LMOD1: variants seen among roughly 807,000 people sequenced by gnomAD.
LMOD1 encodes the protein leiomodin 1, also known as leiomodin-1.
In LMOD1, 8 loss-of-function variants were observed where a neutral mutation model predicts 36.5. The ratio of observed to expected loss-of-function variants is 0.22; its 90% CI spans 0.13 to 0.40. The LOEUF (loss-of-function observed/expected upper bound fraction) is 0.40, where lower values mean the gene tolerates loss of function less well. Ranked by LOEUF, LMOD1 falls within the 10% of genes least tolerant of loss-of-function variation. LMOD1 has a pLI of 1.00. For synonymous variants in LMOD1, 284 were observed against 288.7 expected (o/e 0.98, Z 0.17); for missense variants, 630 against 751.1 (o/e 0.84, Z 1.88).
At position 201,899,265 on chromosome 1, in the gene LMOD1, C is replaced by A; in HGVS notation, c.1748G>T (p.Arg583Leu). 1 of 1,599,060 alleles carries A rather than the reference C, an allele frequency of 6.3e-7. No homozygotes were observed. The highest frequency in any genetic ancestry group is 8.5e-7 in the Non-Finnish European group (1 of 1,170,758). The part of the protein sequence containing the change: ...NSRDQLLAAI[R>L]SSNLKQLKKV... Reference sequence around the variant, plus strand: ...CTTGAGCTGCTTGAGGTTGCTGGAGCGGATGGCAGCCAATAGCTGGTCACG... The same window carrying A: ...CTTGAGCTGCTTGAGGTTGCTGGAGAGGATGGCAGCCAATAGCTGGTCACG... The change falls in exon 2 of 3, where the codon CGC (arginine) becomes CTC (leucine). Residue 583 changes from arginine to leucine, a missense_variant. This residue lies in a region of LMOD1 where 144 missense variants were observed against 169.8 expected (regional missense o/e 0.85). Transcript: ENST00000367288. The surrounding 1 kb of genome is among the most constrained non-coding windows in gnomAD (Gnocchi z 6.3).
intron 1 of LMOD1, among the ~76,000 whole-genome samples, chr1:201,943,567 C>T (rs556164914): frequency 4.6e-5 from 7 of 152,294 alleles, no homozygotes; most frequent in African/African-American, 1.7e-4. Context: ...CTTGTTTACT[C>T]GGGCCACTCA....
chr1:201,924,088 G>A (rs563888714), intron 1 of LMOD1, among the ~76,000 whole-genome samples: 11 of 151,570 alleles, frequency 7.3e-5, no homozygotes, highest in Non-Finnish European at 1.5e-4. Context: ...AGGCCGAGGC[G>A]GGCAGATCAC....
rs1681443506 is a variant in LMOD1, at chr1:201,908,399, G to C, written c.262-7648C>G. 2.0e-5 allele frequency among the ~76,000 whole-genome samples: 3 copies of C among 152,314 alleles called. No homozygotes were observed. In the South Asian group the frequency reaches 6.2e-4, roughly 32 times the overall value. On this transcript the variant is annotated intron_variant, in intron 1 of 2. Transcript: ENST00000367288. ...TGGAGAAGGGAGAAGAAAATGACAA[G>C]TGAGGATGGAGTGCAAGTATAACCT...
At chr1:201,905,245 G>A (rs752386626) in intron 1 of LMOD1, among the ~76,000 whole-genome samples, 11 of 152,190 alleles carry the variant, frequency 7.2e-5, no homozygotes, top group Non-Finnish European at 1.5e-4. Flanking sequence ...GTACTGACCT[G>A]TGACACATTG....
chr1:201,910,172 T>A lies in LMOD1; in HGVS notation c.262-9421A>T, dbSNP rs1681470533. On this transcript the variant is annotated intron_variant, in intron 1 of 2. Coordinates refer to ENST00000367288, the MANE Select transcript of LMOD1 (RefSeq NM_012134.3). ...GCTCCAGTCTCAGCAAGAGGAGGCT[T>A]GAGGGAGGAGCCCTTTTGGGCTGCT... is the stretch of plus-strand genomic sequence containing the variant. Among the ~76,000 whole-genome samples the A allele has an allele frequency of 2.0e-5, 3 of 152,298 alleles. No homozygotes were observed. The South Asian group carries it at 6.2e-4, about 32-fold the overall frequency.
At chr1:201,900,909 G>A (rs975272869) in intron 1 of LMOD1, among the ~76,000 whole-genome samples, 158 bp from the exon 2 acceptor site, 3 of 152,134 alleles carry the variant, frequency 2.0e-5, no homozygotes, top group African/African-American at 4.8e-5. Flanking sequence ...TCCATTGAGG[G>A]CAGCAAAAGA....
intron 1 of LMOD1, among the ~76,000 whole-genome samples, chr1:201,935,648 C>A (rs575454672): frequency 2.0e-5 from 3 of 152,116 alleles, no homozygotes; most frequent in Non-Finnish European, 4.4e-5. Context: ...CCTCCACCTC[C>A]TGGGTTCAAG....
At chr1:201,920,780 G>T (rs932690256) in intron 1 of LMOD1, among the ~76,000 whole-genome samples, 2 of 152,154 alleles carry the variant, frequency 1.3e-5, no homozygotes, top group Admixed American at 1.3e-4. Context: ...TGTAATCTCA[G>T]CACTTTGGGA....
chr1:201,902,823 G>A (rs370940679), intron 1 of LMOD1, among the ~76,000 whole-genome samples: 7 of 152,124 alleles, frequency 4.6e-5, no homozygotes, highest in African/African-American at 9.7e-5. Flanking sequence ...AGGTTGCACC[G>A]AGCCTGAGCC....
rs1369220602 is a variant in LMOD1, at chr1:201,899,570, C to T, written c.1443G>A (p.Glu481=). ...MDKQRQKRLQ[E]QRQAQEAKGE... ...CCTTGGCTTCCTGTGCCTGCCTTTG[C>T]TCCTGCAGCCGCTTTTGTCTCTGCT... Residue 481 remains glutamate (E), a synonymous_variant, in exon 2 of 3, where the codon GAG becomes GAA. Coordinates refer to ENST00000367288, the MANE Select transcript of LMOD1 (RefSeq NM_012134.3). This position sits in a 1 kb window ranked among gnomAD's most constrained non-coding sequence, Gnocchi z 6.3. The T allele has an allele frequency of 1.2e-6, 2 of 1,613,260 alleles. No homozygotes were observed. Among genetic ancestry groups the T allele is most frequent in the Non-Finnish European group, 1.7e-6 (2 of 1,179,640 alleles).
At chr1:201,929,655 T>A (rs1375238104) in intron 1 of LMOD1, among the ~76,000 whole-genome samples, 1 of 152,248 alleles carries the variant, frequency 6.6e-6, no homozygotes, top group Non-Finnish European at 1.5e-5. Flanking sequence ...AGGGTATAGA[T>A]GAATTACAAA....
intron 1 of LMOD1, among the ~76,000 whole-genome samples, chr1:201,936,464 C>T (rs1682021237): frequency 6.6e-6 from 1 of 152,142 alleles, no homozygotes; most frequent in Admixed American, 6.5e-5. Context: ...TGCTTACTTC[C>T]AAGGCCTCGT....
At chr1:201,935,948 T>C (rs1682010926) in intron 1 of LMOD1, among the ~76,000 whole-genome samples, 3 of 151,086 alleles carry the variant, frequency 2.0e-5, no homozygotes, top group African/African-American at 4.9e-5. Flanking sequence ...CCCCTGTCTC[T>C]ACTGAAAATA....
At chr1:201,901,592 A>ATG (rs1571574074) in intron 1 of LMOD1, among the ~76,000 whole-genome samples, 3 of 9,110 alleles carry the variant, frequency 3.3e-4, no homozygotes, top group South Asian at 3.6e-3. Context: ...ATACATATAT[A>ATG]TATGTATATA....
At chr1:201,921,701 C>T (rs183460548) in intron 1 of LMOD1, among the ~76,000 whole-genome samples, 1 of 151,946 alleles carries the variant, frequency 6.6e-6, no homozygotes, top group Admixed American at 6.6e-5. Flanking sequence ...TGGCTCATGC[C>T]TATAATCCCA....
At chr1:201,908,766 T>A (rs983150267) in intron 1 of LMOD1, among the ~76,000 whole-genome samples, 7 of 152,100 alleles carry the variant, frequency 4.6e-5, no homozygotes, top group Non-Finnish European at 7.4e-5. Context: ...GACAGCAAAG[T>A]GCACCATCCC....
intron 1 of LMOD1, among the ~76,000 whole-genome samples, chr1:201,901,422 A>C (rs1188460768): frequency 6.7e-6 from 1 of 149,062 alleles, no homozygotes; most frequent in East Asian, 1.9e-4. Flanking sequence ...GAATCACCTG[A>C]ACCTGGGAGG....
chr1:201,900,823 G>T, intron 1 of LMOD1, 72 bp from the exon 2 acceptor site: 2 of 1,351,078 alleles, frequency 1.5e-6, no homozygotes, highest in Non-Finnish European at 2.0e-6. Flanking sequence ...ATGGGGATGT[G>T]TGGGGGAGCG....
At chr1:201,944,280 T>A (rs898867324) in intron 1 of LMOD1, among the ~76,000 whole-genome samples, 23 of 152,216 alleles carry the variant, frequency 1.5e-4, no homozygotes, top group African/African-American at 5.5e-4. Flanking sequence ...CGGTATTAAC[T>A]GGCTGAATAA....
Sources: allele counts gnomAD v4.1 joint callset (sites outside exome capture counted in the v4.1 genomes callset), GRCh38; gene constraint gnomAD v4.1.1; regional missense constraint gnomAD v4.1.1; non-coding constraint Gnocchi (gnomAD v3.1); transcripts MANE v1.5; gene names NCBI Gene and HGNC (gene_info 2026-07-23, HGNC 2026-07-21).